GPR158: variants seen among roughly 807,000 people sequenced by gnomAD.
GPR158 encodes the protein metabotropic glycine receptor.
Under a neutral mutation model 78.2 loss-of-function variants are expected in GPR158, and 30 were observed. That is an observed-to-expected ratio of 0.38 (90% confidence interval 0.29 to 0.52). The LOEUF is 0.52. Among genes scored for constraint, GPR158 ranks in the 20% least tolerant of loss-of-function variants. The pLI, the probability that GPR158 is intolerant of heterozygous loss-of-function variation, is 0.83. For missense variants in GPR158, 1,463 were observed against 1,523.5 expected, an observed-to-expected ratio of 0.96 and a Z score of 0.66; for synonymous variants, 581 against 591.1, an observed-to-expected ratio of 0.98 and a Z score of 0.25.
chr10:25,364,948 T>C (rs1438087263), intron 2 of GPR158, among the ~76,000 whole-genome samples: 1 of 151,694 alleles, frequency 6.6e-6, no homozygotes, highest in Non-Finnish European at 1.5e-5. Flanking sequence ...AGAGAGCATT[T>C]AGAAGGGCTT....
In GPR158 at chr10:25,372,511, T is replaced by C. The variant is rs1588831747; in HGVS notation, c.1009-23400T>C. On this transcript the variant is annotated intron_variant, in intron 2 of 10. Transcript: ENST00000376351. ...AAGAAAATGTGGCACATATACACCA[T>C]GGAATACTATGCAGCCATAAAAAAT... 1.4e-5 allele frequency among the ~76,000 whole-genome samples: 2 copies of C among 144,988 alleles called. 1 individual carries two copies.
At chr10:25,318,311 C>T (rs511647) in intron 2 of GPR158, among the ~76,000 whole-genome samples, 9 of 152,140 alleles carry the variant, frequency 5.9e-5, no homozygotes, top group East Asian at 5.8e-4. Flanking sequence ...TCATCTTTCT[C>T]GGTGAGCACT....
intron 5 of GPR158, among the ~76,000 whole-genome samples, chr10:25,523,332 C>G (rs954072039): frequency 3.9e-5 from 6 of 152,184 alleles, no homozygotes; most frequent in Admixed American, 1.3e-4. Context: ...TGGAAGAACT[C>G]TTGGATGGCT....
At chr10:25,189,797 AC>A (rs955001360) in intron 1 of GPR158, among the ~76,000 whole-genome samples, 13 of 150,056 alleles carry the variant, frequency 8.7e-5, no homozygotes, top group African/African-American at 3.0e-4. Context: ...TAAAAAAAAA[AC>A]CTTTAAAAAA....
intron 2 of GPR158, among the ~76,000 whole-genome samples, chr10:25,380,986 A>C (rs575606817): frequency 2.0e-4 from 30 of 152,360 alleles, no homozygotes; most frequent in African/African-American, 7.2e-4. Flanking sequence ...TTTGCACAAA[A>C]GTTATAAAAT....
intron 1 of GPR158, among the ~76,000 whole-genome samples, chr10:25,190,874 G>A (rs959876271): frequency 2.0e-5 from 3 of 152,188 alleles, no homozygotes; most frequent in African/African-American, 7.2e-5. Context: ...ACTGTGAGAA[G>A]GGAGGAGCTT....
Position 25,223,520 on chromosome 10 carries a change from G to A in GPR158, c.1008+2363G>A, listed in dbSNP as rs1040766113. On this transcript the variant is annotated intron_variant, in intron 2 of 10. Transcript: ENST00000376351. ...ACCACATCCTCAGTGTAGTTACTGGGAATAGTCTTTCAATTCCTTTCCCAT... is the reference window on the plus strand; with the variant it reads ...ACCACATCCTCAGTGTAGTTACTGGAAATAGTCTTTCAATTCCTTTCCCAT... 2.2e-4 allele frequency among the ~76,000 whole-genome samples: 33 copies of A among 152,162 alleles called. 1 individual carries two copies. The highest frequency in any genetic ancestry group is 4.6e-4 in the Admixed American group (7 of 15,276).
intron 2 of GPR158, among the ~76,000 whole-genome samples, chr10:25,386,878 G>A (rs74635958): frequency 0.019 from 2,918 of 151,958 alleles, 83 homozygotes; most frequent in African/African-American, 0.067. Flanking sequence ...GGAATTTCAG[G>A]GTTTTCTACC....
intron 2 of GPR158, among the ~76,000 whole-genome samples, chr10:25,384,620 TTC>T (rs1834198416): frequency 6.6e-6 from 1 of 152,208 alleles, no homozygotes; most frequent in South Asian, 2.1e-4. Context: ...TGATTTTTTT[TTC>T]TGACACCTCT....
intron 1 of GPR158, among the ~76,000 whole-genome samples, chr10:25,215,681 A>G (rs1057374652): frequency 5.9e-5 from 9 of 152,128 alleles, no homozygotes; most frequent in Non-Finnish European, 1.2e-4. Context: ...CTAAAAATAC[A>G]AAAATTAGCA....
chr10:25,387,927 GT>G (rs1406845954), intron 2 of GPR158, among the ~76,000 whole-genome samples: 1 of 152,080 alleles, frequency 6.6e-6, no homozygotes, highest in Non-Finnish European at 1.5e-5. Context: ...TTATTGGGAA[GT>G]TTTTTGATTA....
intron 2 of GPR158, among the ~76,000 whole-genome samples, chr10:25,376,326 AAAC>A (rs1374983318): frequency 1.3e-5 from 2 of 151,646 alleles, no homozygotes; most frequent in Non-Finnish European, 3.0e-5. Flanking sequence ...GTTTATACTT[AAAC>A]AATCTTAAAA....
At chr10:25,493,506 A>C (rs1035248638) in intron 5 of GPR158, among the ~76,000 whole-genome samples, 2 of 152,144 alleles carry the variant, frequency 1.3e-5, no homozygotes, top group African/African-American at 4.8e-5. Context: ...TCTAAAAAAA[A>C]ATGTTTCATT....
chr10:25,195,940 T>G (rs1852837965), intron 1 of GPR158, among the ~76,000 whole-genome samples: 1 of 152,202 alleles, frequency 6.6e-6, no homozygotes, highest in African/African-American at 2.4e-5. Context: ...GTAACCTGAT[T>G]TATTATACCT....
At chr10:25,230,071 T>C (rs1853428628) in intron 2 of GPR158, among the ~76,000 whole-genome samples, 1 of 152,212 alleles carries the variant, frequency 6.6e-6, no homozygotes, top group African/African-American at 2.4e-5. Context: ...AATAATGATA[T>C]AGAAGACACA....
intron 5 of GPR158, among the ~76,000 whole-genome samples, chr10:25,517,474 T>C (rs1301929176): frequency 6.6e-6 from 1 of 152,020 alleles, no homozygotes; most frequent in Non-Finnish European, 1.5e-5. Context: ...ATGCTTCCAG[T>C]TTTTGCCCAT....
At chr10:25,433,925 C>T (rs1030193697) in intron 4 of GPR158, among the ~76,000 whole-genome samples, 4 of 151,520 alleles carry the variant, frequency 2.6e-5, no homozygotes, top group Non-Finnish European at 4.4e-5. Context: ...TTTGGGAGGC[C>T]GAGGTGGGTG....
chr10:25,241,654 TCA>T, intron 2 of GPR158, among the ~76,000 whole-genome samples: 1 of 152,270 alleles, frequency 6.6e-6, no homozygotes, highest in South Asian at 2.1e-4. Context: ...ACTCCTGACC[TCA>T]GGTGATCCCC....
rs1853735274 is a variant in GPR158 at position 25,248,433 on chromosome 10, T to C, written c.1008+27276T>C. On this transcript the variant is annotated intron_variant, in intron 2 of 10. Coordinates refer to ENST00000376351, the MANE Select transcript of GPR158 (RefSeq NM_020752.3). ...GTAATGCCTAGGTTTTCTTCTAGGG[T>C]TTTTATGGTTTTAGGTCTAACATTT... Among the ~76,000 whole-genome samples the C allele has an allele frequency of 2.6e-5, 4 of 152,104 alleles. No individual in the cohort carries two copies. The South Asian group carries it at 6.2e-4, about 24-fold the overall frequency.
Sources: gnomAD v4.1 joint callset for allele counts (sites outside exome capture counted in the v4.1 genomes callset) on GRCh38, gnomAD v4.1.1 for gene constraint, MANE v1.5 for transcripts, NCBI Gene and HGNC (gene_info 2026-07-23, HGNC 2026-07-21) for gene names.